Variants in SNX25 observed in about 807,000 individuals in gnomAD.
The protein encoded by SNX25 is sorting nexin 25, also known as sorting nexin-25.
SNX25 carries 62 observed loss-of-function variants against 113.7 expected under a neutral mutation model. The ratio of observed to expected loss-of-function variants is 0.55; its 90% confidence interval spans 0.44 to 0.67. The LOEUF is 0.67. Among genes scored for constraint, SNX25 ranks in the 30% least tolerant of loss-of-function variants. The probability of loss-of-function intolerance (pLI) is 0.00; values close to 1 mark genes in which losing one functional copy is unlikely to be tolerated. For synonymous variants in SNX25, 421 were observed against 436.2 expected, an observed-to-expected ratio of 0.97 and a Z score of 0.43; for missense variants, 1,014 against 1,161.0, an observed-to-expected ratio of 0.87 and a Z score of 1.84.
intron 8 of SNX25, 33 bp downstream of exon 8, chr4:185,320,897 A>G (rs72709996): frequency 0.045 from 69,257 of 1,529,388 alleles, 2,352 homozygotes; most frequent in East Asian, 0.19. Context: ...AATATTAATC[A>G]CTAGCTGATG....
At chr4:185,335,148 C>T (rs1579831100) in intron 10 of SNX25, among the ~76,000 whole-genome samples, 2 of 151,988 alleles carry the variant, frequency 1.3e-5, no homozygotes, top group Admixed American at 6.6e-5. Flanking sequence ...GGTAAAACCC[C>T]GCCTCTACTA....
intron 5 of SNX25, among the ~76,000 whole-genome samples, chr4:185,278,813 C>T (rs547399418): frequency 3.7e-4 from 56 of 152,150 alleles, no homozygotes; most frequent in African/African-American, 1.1e-3. Context: ...TGGTGCTATA[C>T]GTATGAGTAT....
intron 2 of SNX25, among the ~76,000 whole-genome samples, chr4:185,253,142 C>T (rs1182232805): frequency 6.6e-6 from 1 of 152,172 alleles, no homozygotes; most frequent in East Asian, 1.9e-4. Context: ...TTTTCACTAG[C>T]CTGCCCTAAA....
intron 9 of SNX25, among the ~76,000 whole-genome samples, chr4:185,331,327 T>C (rs2095193298): frequency 6.6e-6 from 1 of 152,238 alleles, no homozygotes; most frequent in African/African-American, 2.4e-5. Context: ...TTCTAATTAT[T>C]CTCATACAAT....
rs1266285171 is a variant in SNX25, at chr4:185,361,976, T to C, written c.2704T>C (p.Tyr902His). The C allele has an allele frequency of 1.2e-6, 2 of 1,614,174 alleles. No individual in the cohort carries two copies. The highest frequency in any genetic ancestry group is 1.6e-4 in the Middle Eastern group (1 of 6,062). ...TTTCAGTGAGCAAATGTTGGTTTAC[T>C]ACATCAATATTTTCCGGGATGCTTT... ...WIFSEQMLVY[Y>H]INIFRDAFWP... The change falls in exon 17 of 19, where the codon TAC becomes CAC. Residue 902 changes from tyrosine (Y) to histidine (H), a missense_variant. Tyr to His is a moderately conservative substitution (Grantham distance 83). Transcript: ENST00000652585.
intron 5 of SNX25, among the ~76,000 whole-genome samples, chr4:185,287,059 A>G (rs956035202): frequency 6.6e-6 from 1 of 152,244 alleles, no homozygotes; most frequent in Non-Finnish European, 1.5e-5. Flanking sequence ...ATTAATTCAT[A>G]TAATTAAGGG....
chr4:185,299,011 T>G lies in SNX25; in HGVS notation c.1162+10929T>G, dbSNP rs540477011. Among the ~76,000 whole-genome samples, 4 of 152,322 alleles carry G rather than the reference T, an allele frequency of 2.6e-5. No individual in the cohort carries two copies. In the South Asian group the frequency reaches 8.3e-4, roughly 32 times the overall value. On this transcript the variant is annotated intron_variant, in intron 6 of 18. Transcript: ENST00000652585. ...ACCCTCAGATCATGGTCAACACACA[T>G]GCAAAACGACAGTGCAACTTGATAA...
chr4:185,311,232 T>C (rs138942603), intron 7 of SNX25, among the ~76,000 whole-genome samples: 113 of 152,360 alleles, frequency 7.4e-4, no homozygotes, highest in African/African-American at 2.5e-3. Context: ...TTCTACTTGA[T>C]ATCTTCATTG....
At chr4:185,224,644 TA>T (rs1278572994) in intron 1 of SNX25, among the ~76,000 whole-genome samples, 3 of 146,920 alleles carry the variant, frequency 2.0e-5, no homozygotes, top group African/African-American at 4.9e-5. Context: ...TATATAGATA[TA>T]AAAATATATA....
At chr4:185,372,791 T>G, downstream of SNX25, 1 of 1,347,646 alleles carries the variant, frequency 7.4e-7, no homozygotes, top group Non-Finnish European at 1.0e-6. Context: ...AAATTTCTGT[T>G]TCTCATAAAT....
chr4:185,372,571 C>T (rs1331013978), downstream of SNX25, among the ~76,000 whole-genome samples: 1 of 152,284 alleles, frequency 6.6e-6, no homozygotes. Flanking sequence ...AGTAAGTTCC[C>T]TTGGAAATCC....
chr4:185,213,199 G>A (rs561539651), intron 1 of SNX25, among the ~76,000 whole-genome samples: 5 of 152,216 alleles, frequency 3.3e-5, no homozygotes, highest in Non-Finnish European at 7.4e-5. Flanking sequence ...AGTGTTCGCT[G>A]ATGATGGTGA....
chr4:185,361,482 A>G (rs1180480788), intron 16 of SNX25, among the ~76,000 whole-genome samples: 2 of 152,232 alleles, frequency 1.3e-5, no homozygotes, highest in Non-Finnish European at 2.9e-5. Flanking sequence ...TCATGCCTCT[A>G]ATCCCAGCAC....
At chr4:185,212,905 G>C (rs1318918022) in intron 1 of SNX25, among the ~76,000 whole-genome samples, 3 of 152,192 alleles carry the variant, frequency 2.0e-5, no homozygotes, top group Non-Finnish European at 4.4e-5. Context: ...CCTAGTGTGA[G>C]CTAGACATGT....
chr4:185,320,740 A>C lies in SNX25; in HGVS notation c.1352A>C (p.Gln451Pro). 1 of 1,525,490 alleles carries C rather than the reference A, an allele frequency of 6.6e-7. No homozygotes were observed. The highest frequency in any genetic ancestry group is 8.8e-7 in the Non-Finnish European group (1 of 1,138,874). The allele number at this position is 1,525,490 out of a possible 1,614,324, so 94.5% of individuals were successfully genotyped here. Reference sequence around the variant, plus strand: ...CTTAAATTCTCTTAATAGATTCTTCAGTTTGAAGATATCTTGGCCAATACG... The same window carrying C: ...CTTAAATTCTCTTAATAGATTCTTCCGTTTGAAGATATCTTGGCCAATACG... ...GEGPQSQKILQFEDILANTFY... is the reference protein window; with the variant it reads ...GEGPQSQKILPFEDILANTFY... The change falls in exon 8 of 19, where the codon CAG (glutamine) becomes CCG (proline). Residue 451 changes from glutamine (Q) to proline (P), a missense_variant. Physicochemically the swap from Gln to Pro is moderately conservative, Grantham distance 76. Transcript: ENST00000652585.
At chr4:185,242,368 C>G (rs1470746433) in intron 1 of SNX25, among the ~76,000 whole-genome samples, 1 of 152,084 alleles carries the variant, frequency 6.6e-6, no homozygotes, top group Non-Finnish European at 1.5e-5. Context: ...CCCAAGAGCC[C>G]TCAACCCCCC....
chr4:185,342,238 C>T, intron 12 of SNX25, 122 bp downstream of exon 12: 1 of 1,175,862 alleles, frequency 8.5e-7, no homozygotes, highest in Non-Finnish European at 1.1e-6. Context: ...GTGGCATTTT[C>T]ATCCTGACAT....
At chr4:185,243,118 TGCTTAAATAGA>T (rs1193922881) in intron 1 of SNX25, among the ~76,000 whole-genome samples, 6 of 152,212 alleles carry the variant, frequency 3.9e-5, no homozygotes, top group South Asian at 2.1e-4. Context: ...GTAGGGGTTT[TGCTTAAATAGA>T]GCTAAAATAG....
At chr4:185,275,012 C>A (rs143405177) in intron 5 of SNX25, among the ~76,000 whole-genome samples, 6 of 152,230 alleles carry the variant, frequency 3.9e-5, no homozygotes, top group Non-Finnish European at 8.8e-5. Flanking sequence ...GTGGAGATAA[C>A]CCTTTACTGT....
Sources: gnomAD v4.1 joint callset for allele counts (sites outside exome capture counted in the v4.1 genomes callset) on GRCh38, gnomAD v4.1.1 for gene constraint, MANE v1.5 for transcripts, NCBI Gene and HGNC (gene_info 2026-07-23, HGNC 2026-07-21) for gene names.